Variants in DMD observed in about 807,000 individuals in gnomAD.
The protein encoded by DMD is dystrophin.
DMD carries 63 observed loss-of-function variants against 330.1 expected under a neutral mutation model. The observed-to-expected ratio is 0.19, with a 90% CI of 0.16 to 0.24. The LOEUF (loss-of-function observed/expected upper bound fraction) is 0.24, where lower values mean the gene tolerates loss of function less well. Ranked by LOEUF, DMD falls within the 10% of genes least tolerant of loss-of-function variation. DMD has a pLI of 1.00. For synonymous variants in DMD, 1,223 were observed against 959.8 expected (o/e 1.27, Z -5.07); for missense variants, 3,344 against 2,684.1 (o/e 1.25, Z -5.43).
intron 71 of DMD, among the ~76,000 whole-genome samples, chrX:31,175,308 A>T (rs1325137132): frequency 9.0e-6 from 1 of 111,324 alleles, no homozygotes; most frequent in African/African-American, 3.3e-5. Context: ...ACCTTGGAGC[A>T]TAAGTACACC....
At chrX:33,239,032 A>C (rs1341760831) in intron 1 of DMD, among the ~76,000 whole-genome samples, 9 of 109,065 alleles carry the variant, frequency 8.3e-5, no homozygotes, top group African/African-American at 3.0e-4. Flanking sequence ...TGAGGGGGTT[A>C]GATCACTTGA....
chrX:32,935,170 G>A (rs1193190731), intron 2 of DMD, among the ~76,000 whole-genome samples: 1 of 112,809 alleles, frequency 8.9e-6, no homozygotes, highest in Non-Finnish European at 1.9e-5. Flanking sequence ...AGTAGAGACG[G>A]GGTTTCACCG....
At chrX:33,085,446 T>C (rs1163183838) in intron 1 of DMD, among the ~76,000 whole-genome samples, 2 of 111,917 alleles carry the variant, frequency 1.8e-5, no homozygotes, top group African/African-American at 6.5e-5. Context: ...TCAGCCACTG[T>C]TCTCTATAAA....
chrX:32,384,534 A>C (rs2147526615), intron 33 of DMD, among the ~76,000 whole-genome samples: 1 of 111,288 alleles, frequency 9.0e-6, no homozygotes, highest in Admixed American at 9.6e-5. Context: ...TTAAAACATA[A>C]CAAATATTAA....
At position 32,750,901 on chromosome X, in the gene DMD, A is replaced by T. The variant is rs377528885; in HGVS notation, c.650-51608T>A. Among the ~76,000 whole-genome samples, 22 of 111,583 alleles carry T rather than the reference A, an allele frequency of 2.0e-4. No homozygotes were observed. The East Asian group carries it at 5.7e-3, about 29-fold the overall frequency. Reference sequence around the variant, plus strand: ...CTCATGATAGTGAATAAGTTTCACAAAATCTGATGGCTTTGTAAGGGGGAG... The same window carrying T: ...CTCATGATAGTGAATAAGTTTCACATAATCTGATGGCTTTGTAAGGGGGAG... On this transcript the variant is annotated intron_variant, in intron 7 of 78. Coordinates refer to ENST00000357033, the MANE Select transcript of DMD (RefSeq NM_004006.3).
At chrX:33,182,477 G>T (rs2050048086) in intron 1 of DMD, among the ~76,000 whole-genome samples, 1 of 108,584 alleles carries the variant, frequency 9.2e-6, no homozygotes, top group Non-Finnish European at 1.9e-5. Flanking sequence ...TCACTCTGTT[G>T]TCCAGGGTGG....
chrX:33,000,809 T>A (rs773205869), intron 2 of DMD, among the ~76,000 whole-genome samples: 54 of 112,248 alleles, frequency 4.8e-4, no homozygotes, highest in African/African-American at 1.5e-3. Flanking sequence ...TTCTTCTCAG[T>A]TTTTAAATGA....
intron 67 of DMD, among the ~76,000 whole-genome samples, chrX:31,201,110 G>C (rs993322807): frequency 6.4e-5 from 7 of 109,306 alleles, no homozygotes; most frequent in Non-Finnish European, 1.3e-4. Flanking sequence ...TGGACAGCTT[G>C]AGCCCAAGAG....
At chrX:31,559,640 C>CAAAAAAAAAAAAAAAAAAAA (rs1167550498) in intron 55 of DMD, among the ~76,000 whole-genome samples, 2 of 21,638 alleles carry the variant, frequency 9.2e-5, no homozygotes, top group East Asian at 1.5e-3. Flanking sequence ...AACTCCGTCT[C>CAAAAAAAAAAAAAAAAAAAA]AAAAAAAAAA....
At chrX:31,950,985 G>A (rs1219420418) in intron 45 of DMD, among the ~76,000 whole-genome samples, 1 of 105,893 alleles carries the variant, frequency 9.4e-6, no homozygotes, top group Non-Finnish European at 1.9e-5. Context: ...TTGATATGTA[G>A]GTTGAGTATC....
intron 30 of DMD, among the ~76,000 whole-genome samples, chrX:32,397,494 C>T (rs1045226468): frequency 1.8e-5 from 2 of 111,735 alleles, no homozygotes; most frequent in African/African-American, 6.5e-5. Flanking sequence ...ATTATATCAT[C>T]TTTCCATTAT....
chrX:32,793,133 G>A (rs1257857885), intron 7 of DMD, among the ~76,000 whole-genome samples: 1 of 111,693 alleles, frequency 9.0e-6, no homozygotes. Context: ...ATAACAAAAA[G>A]AGAAACTTTG....
intron 67 of DMD, among the ~76,000 whole-genome samples, chrX:31,189,822 C>T (rs1036072505): frequency 5.3e-5 from 6 of 112,391 alleles, no homozygotes; most frequent in Admixed American, 9.4e-5. Context: ...AGAGCAAAAA[C>T]ATACACTTGT....
At position 32,389,552 on chromosome X, in the gene DMD, T is replaced by G. The variant is rs373162382; in HGVS notation, c.4467A>C (p.Glu1489Asp). ...CTACTTCCTGTTCCACACTCTTTGT[T>G]TCCAATGCAGGCAAGTGCATCTTCA... Reference protein sequence around the residue: ...DEVKMHLPALETKSVEQEVVQ... With the variant: ...DEVKMHLPALDTKSVEQEVVQ... The change falls in exon 32 of 79, where the codon GAA becomes GAC. Residue 1489 changes from glutamate (E) to aspartate (D), a missense_variant. Coordinates refer to ENST00000357033, the MANE Select transcript of DMD (RefSeq NM_004006.3). 8 of 1,209,565 alleles carry G rather than the reference T, an allele frequency of 6.6e-6. No individual in the cohort carries two copies. The highest frequency in any genetic ancestry group is 5.2e-5 in the African/African-American group (3 of 57,196).
intron 67 of DMD, among the ~76,000 whole-genome samples, chrX:31,200,965 C>T (rs2043371618): frequency 9.0e-6 from 1 of 111,389 alleles, no homozygotes; most frequent in African/African-American, 3.3e-5. Context: ...AAAAATAGTA[C>T]AGAGAAAATC....
At chrX:31,561,983 C>T (rs2075223828) in intron 55 of DMD, among the ~76,000 whole-genome samples, 1 of 112,197 alleles carries the variant, frequency 8.9e-6, no homozygotes, top group Admixed American at 9.4e-5. Flanking sequence ...GTAACAAATA[C>T]TGATAACCTA....
rs181409368 is a variant in DMD at position 33,112,824 on chromosome X, G to A, written c.32-92624C>T. Among the ~76,000 whole-genome samples the A allele has an allele frequency of 3.4e-3, 365 of 108,177 alleles. 2 individuals are homozygous for A. Among genetic ancestry groups the A allele is most frequent in the African/African-American group, 0.012 (352 of 29,813 alleles). The allele number at this position is 108,177 out of a possible 115,157, so 93.9% of individuals were successfully genotyped here. A position where few individuals can be genotyped will look rare whatever the true frequency, so the allele number is the denominator to read the frequency against. On this transcript the variant is annotated intron_variant, in intron 1 of 78. Coordinates refer to ENST00000357033, the MANE Select transcript of DMD (RefSeq NM_004006.3). ...GAATATCGGCCAGGCGCGGTGGCTCGTGCCTGTAATCCCAGCACTTTGGGA... is the reference window on the plus strand; with the variant it reads ...GAATATCGGCCAGGCGCGGTGGCTCATGCCTGTAATCCCAGCACTTTGGGA...
rs147950056 is a variant in DMD at position 32,396,069 on chromosome X, G to A, written c.4234-5888C>T. ...TGATAAGTTCCACATTTTCCCAAAT[G>A]AGTCATATTGTTGTCATAAGTCATA... On this transcript the variant is annotated intron_variant, in intron 30 of 78. Coordinates refer to ENST00000357033, the MANE Select transcript of DMD (RefSeq NM_004006.3). Among the ~76,000 whole-genome samples, 1,025 of 110,942 alleles carry A rather than the reference G, an allele frequency of 9.2e-3. 9 individuals carry two copies. The highest frequency in any genetic ancestry group is 0.031 in the African/African-American group (948 of 30,510).
intron 17 of DMD, 31 bp from the exon 18 acceptor site, chrX:32,518,162 T>A: frequency 8.5e-7 from 1 of 1,178,917 alleles, no homozygotes; most frequent in Non-Finnish European, 1.2e-6. Flanking sequence ...AGTCATTATT[T>A]CTTGATTATC....
Sources: allele counts gnomAD v4.1 joint callset (sites outside exome capture counted in the v4.1 genomes callset), GRCh38; gene constraint gnomAD v4.1.1; transcripts MANE v1.5; gene names NCBI Gene and HGNC (gene_info 2026-07-23, HGNC 2026-07-21).